The following KLHL32 variants were observed in gnomAD, a reference collection of about 807,000 sequenced individuals.
KLHL32 encodes kelch-like protein 32.
Under a neutral mutation model 64.8 loss-of-function variants are expected in KLHL32, and 35 were observed. The observed-to-expected ratio is 0.54, with a 90% CI of 0.41 to 0.72. The LOEUF is 0.72. KLHL32 is among the 30% of genes least tolerant of loss of function. KLHL32 has a pLI of 0.00. For synonymous variants in KLHL32, 259 were observed against 281.0 expected (o/e 0.92, Z 0.78); for missense variants, 589 against 768.5 (o/e 0.77, Z 2.76).
At chr6:96,969,198 C>A (rs1774840107) in intron 2 of KLHL32, among the ~76,000 whole-genome samples, 1 of 152,168 alleles carries the variant, frequency 6.6e-6, no homozygotes, top group South Asian at 2.1e-4. Flanking sequence ...GACCATCTCC[C>A]TGCACTCAGC....
chr6:97,077,614 C>T (rs1054161272), intron 5 of KLHL32, among the ~76,000 whole-genome samples: 3 of 152,146 alleles, frequency 2.0e-5, no homozygotes, highest in Non-Finnish European at 4.4e-5. Flanking sequence ...AAACCCAGTA[C>T]CTAGATAGCA....
Position 97,139,127 on chromosome 6 carries a change from G to A in KLHL32, c.1708G>A (p.Asp570Asn). 1 of 1,613,486 alleles carries A rather than the reference G, an allele frequency of 6.2e-7. No homozygotes were observed. Among genetic ancestry groups the A allele is most frequent in the Non-Finnish European group, 8.5e-7 (1 of 1,179,740 alleles). ...NEPLACIQVLDVSREGKEEVF... is the reference protein window; with the variant it reads ...NEPLACIQVLNVSREGKEEVF... ...TTCTCTTCCTCTTTTGTAGGTACTG[G>A]ATGTAAGCAGAGAAGGCAAAGAAGA... is the stretch of plus-strand genomic sequence containing the variant. The change falls in exon 11 of 11, where the codon GAT becomes AAT. Residue 570 changes from aspartate (D) to asparagine (N), a missense_variant. Asp to Asn is a conservative substitution (Grantham distance 23). Coordinates refer to ENST00000369261, the MANE Select transcript of KLHL32 (RefSeq NM_052904.4).
At chr6:96,986,522 A>T (rs1777090794) in intron 3 of KLHL32, among the ~76,000 whole-genome samples, 1 of 152,130 alleles carries the variant, frequency 6.6e-6, no homozygotes, top group Non-Finnish European at 1.5e-5. Flanking sequence ...GGCTCCACCC[A>T]ATTCGAGCTT....
intron 6 of KLHL32, among the ~76,000 whole-genome samples, chr6:97,094,629 T>C (rs1794716308): frequency 6.6e-6 from 1 of 152,194 alleles, no homozygotes; most frequent in African/African-American, 2.4e-5. Context: ...CAAACCTATT[T>C]TGATATTCTG....
chr6:96,930,370 T>C (rs1394192625), intron 1 of KLHL32, among the ~76,000 whole-genome samples: 1 of 152,176 alleles, frequency 6.6e-6, no homozygotes. Flanking sequence ...ATCTGATACT[T>C]CTTGGTTCTG....
intron 3 of KLHL32, among the ~76,000 whole-genome samples, chr6:97,010,574 T>A (rs1045179882): frequency 6.6e-6 from 1 of 152,240 alleles, no homozygotes; most frequent in African/African-American, 2.4e-5. Context: ...TTATCCCTCA[T>A]GTTTCCTCAA....
At chr6:97,047,851 C>A (rs1393096186) in intron 4 of KLHL32, among the ~76,000 whole-genome samples, 6 of 152,134 alleles carry the variant, frequency 3.9e-5, no homozygotes. Context: ...AAAAGAAGAG[C>A]CCTGCTTGGA....
chr6:96,937,238 C>G (rs981393074), intron 1 of KLHL32, among the ~76,000 whole-genome samples: 1 of 152,162 alleles, frequency 6.6e-6, no homozygotes, highest in Non-Finnish European at 1.5e-5. Flanking sequence ...ATTCGCCACC[C>G]CCTCTCCATC....
At chr6:97,069,375 A>G (rs573484455) in intron 5 of KLHL32, among the ~76,000 whole-genome samples, 27 of 151,130 alleles carry the variant, frequency 1.8e-4, no homozygotes, top group African/African-American at 5.6e-4. Context: ...TAGGGAGTTA[A>G]GGAGAATTCT....
At chr6:97,081,621 A>G (rs189561265) in intron 5 of KLHL32, among the ~76,000 whole-genome samples, 9 of 152,338 alleles carry the variant, frequency 5.9e-5, no homozygotes, top group South Asian at 2.1e-4. Context: ...GGAAGCCTTT[A>G]CTAACTTTCC....
At chr6:97,080,071 A>G (rs1396763194) in intron 5 of KLHL32, among the ~76,000 whole-genome samples, 1 of 152,238 alleles carries the variant, frequency 6.6e-6, no homozygotes, top group East Asian at 1.9e-4. Context: ...TTGATAGAGG[A>G]AATAATTCTC....
chr6:96,946,055 G>C (rs1394449127), intron 1 of KLHL32, among the ~76,000 whole-genome samples: 1 of 151,788 alleles, frequency 6.6e-6, no homozygotes, highest in Non-Finnish European at 1.5e-5. Flanking sequence ...GGGATATAAG[G>C]GTTTACATGA....
intron 5 of KLHL32, among the ~76,000 whole-genome samples, chr6:97,071,988 T>C (rs141965009): frequency 3.9e-5 from 6 of 152,316 alleles, no homozygotes; most frequent in African/African-American, 1.2e-4. Flanking sequence ...TTCTATTTCT[T>C]GTCTCTATAA....
At chr6:96,942,571 G>T (rs1362653414) in intron 1 of KLHL32, among the ~76,000 whole-genome samples, 1 of 151,904 alleles carries the variant, frequency 6.6e-6, no homozygotes, top group Non-Finnish European at 1.5e-5. Flanking sequence ...AAGTGTTAAG[G>T]CTGGAAAGGA....
At chr6:97,016,713 A>G (rs1781248529) in intron 3 of KLHL32, among the ~76,000 whole-genome samples, 1 of 152,290 alleles carries the variant, frequency 6.6e-6, no homozygotes, top group East Asian at 1.9e-4. Flanking sequence ...GGGAGGGGCC[A>G]GGGGCAGAAT....
At position 97,140,190 on chromosome 6, in the gene KLHL32, C is replaced by A. The variant is rs1288555082; in HGVS notation, c.*908C>A. ...CACAATGAGGAAATAGGGAGTTTCT[C>A]AAAATCTAAACTTGTACAGGTATCT... On this transcript the variant is annotated 3_prime_UTR_variant, in exon 11 of 11. Coordinates refer to ENST00000369261, the MANE Select transcript of KLHL32 (RefSeq NM_052904.4). The A allele has an allele frequency of 6.6e-6, 1 of 151,838 alleles. No homozygotes were observed. Among genetic ancestry groups the A allele is most frequent in the African/African-American group, 2.4e-5 (1 of 41,324 alleles). 9.4% of individuals were successfully genotyped at this position (151,838 alleles called of 1,614,324 possible). A position where few individuals can be genotyped will look rare whatever the true frequency, so the allele number is the denominator to read the frequency against.
At chr6:96,934,461 A>AC (rs1770327541) in intron 1 of KLHL32, among the ~76,000 whole-genome samples, 1 of 115,896 alleles carries the variant, frequency 8.6e-6, no homozygotes, top group African/African-American at 2.6e-5. Flanking sequence ...AACAACAACA[A>AC]AAAAATAGCA....
chr6:97,056,385 G>A (rs1027157041), intron 4 of KLHL32, among the ~76,000 whole-genome samples: 1 of 152,106 alleles, frequency 6.6e-6, no homozygotes, highest in East Asian at 1.9e-4. Flanking sequence ...GATTACAAAC[G>A]TGAGCCACCA....
chr6:96,989,874 T>A (rs1207511109), intron 3 of KLHL32, among the ~76,000 whole-genome samples: 2 of 152,212 alleles, frequency 1.3e-5, no homozygotes, highest in Non-Finnish European at 1.5e-5. Context: ...CTTGGTCTAT[T>A]CTGCTGTTAA....
Sources: gnomAD v4.1 joint callset for allele counts (sites outside exome capture counted in the v4.1 genomes callset) on GRCh38, gnomAD v4.1.1 for gene constraint, MANE v1.5 for transcripts, NCBI Gene and HGNC (gene_info 2026-07-23, HGNC 2026-07-21) for gene names.